The following CNTN4 variants were observed in gnomAD, a reference collection of about 807,000 sequenced individuals.
CNTN4 encodes contactin 4.
A neutral mutation model predicts 122.5 loss-of-function variants in CNTN4; 77 were observed. The ratio of observed to expected loss-of-function variants is 0.63; its 90% CI spans 0.52 to 0.76. The LOEUF is 0.76. CNTN4 is among the 30% of genes least tolerant of loss of function. CNTN4 has a pLI of 0.00. For synonymous variants in CNTN4, 512 were observed against 447.0 expected (o/e 1.15, Z -1.83); for missense variants, 1,256 against 1,259.1 (o/e 1.00, Z 0.04).
chr3:2,504,720 C>T (rs569569974), intron 3 of CNTN4, among the ~76,000 whole-genome samples: 1 of 152,186 alleles, frequency 6.6e-6, no homozygotes, highest in Non-Finnish European at 1.5e-5. Flanking sequence ...TGTGATCAAA[C>T]AACAACAGGA....
chr3:2,946,780 T>A (rs1577363413), intron 13 of CNTN4, among the ~76,000 whole-genome samples: 1 of 147,430 alleles, frequency 6.8e-6, no homozygotes, highest in South Asian at 2.2e-4. Flanking sequence ...CATGGCTCAC[T>A]GCAATAATCC....
intron 2 of CNTN4, among the ~76,000 whole-genome samples, chr3:2,142,346 T>C (rs985871759): frequency 6.6e-6 from 1 of 152,122 alleles, no homozygotes; most frequent in African/African-American, 2.4e-5. Context: ...CTTTTTGATA[T>C]TCTTTCTTTC....
chr3:2,650,076 A>AATAAAT (rs1553602532), intron 4 of CNTN4, among the ~76,000 whole-genome samples: 2 of 145,570 alleles, frequency 1.4e-5, no homozygotes, highest in Non-Finnish European at 3.0e-5. Context: ...TATTTTTATA[A>AATAAAT]ATATATATAT....
At chr3:2,397,179 A>G (rs921196372) in intron 3 of CNTN4, among the ~76,000 whole-genome samples, 1 of 152,204 alleles carries the variant, frequency 6.6e-6, no homozygotes, top group African/African-American at 2.4e-5. Context: ...ATAATGCACC[A>G]TGGATTGAAG....
chr3:2,934,092 A>G (rs1471521230), intron 13 of CNTN4, among the ~76,000 whole-genome samples: 1 of 152,210 alleles, frequency 6.6e-6, no homozygotes, highest in Non-Finnish European at 1.5e-5. Context: ...ATAATGGTGC[A>G]AGCATGACTG....
At chr3:3,050,239 A>G (rs535688018) in intron 23 of CNTN4, among the ~76,000 whole-genome samples, 1 of 152,282 alleles carries the variant, frequency 6.6e-6, no homozygotes, top group South Asian at 2.1e-4. Flanking sequence ...AGTAGAACCC[A>G]CAAATTTTTA....
chr3:2,144,900 T>G (rs986505360), intron 2 of CNTN4, among the ~76,000 whole-genome samples: 3 of 152,172 alleles, frequency 2.0e-5, no homozygotes, highest in Non-Finnish European at 4.4e-5. Flanking sequence ...TGTACTTACA[T>G]AAACAGGAAT....
chr3:2,368,025 ACTT>A (rs374920652), intron 3 of CNTN4, among the ~76,000 whole-genome samples: 8 of 133,650 alleles, frequency 6.0e-5, no homozygotes, highest in African/African-American at 1.2e-4. Flanking sequence ...CAGCTAGAAA[ACTT>A]CTTTTTTTTT....
At chr3:2,906,798 C>T (rs1274053068) in intron 12 of CNTN4, among the ~76,000 whole-genome samples, 5 of 148,002 alleles carry the variant, frequency 3.4e-5, no homozygotes, top group African/African-American at 1.0e-4. Flanking sequence ...GAGCCAAGAT[C>T]GTGTCATTGC....
At chr3:2,246,538 C>T (rs549756811) in intron 2 of CNTN4, among the ~76,000 whole-genome samples, 7 of 151,860 alleles carry the variant, frequency 4.6e-5, no homozygotes, top group East Asian at 1.9e-4. Context: ...ATCTTTAACT[C>T]GGGAATTAGT....
At chr3:2,840,275 A>G (rs1414140779) in intron 7 of CNTN4, among the ~76,000 whole-genome samples, 1 of 152,146 alleles carries the variant, frequency 6.6e-6, no homozygotes, top group South Asian at 2.1e-4. Context: ...AAAGTTCTCC[A>G]TAGAGAGAGA....
intron 2 of CNTN4, among the ~76,000 whole-genome samples, chr3:2,306,805 G>A (rs1038481855): frequency 5.9e-5 from 9 of 151,854 alleles, no homozygotes; most frequent in African/African-American, 1.2e-4. Flanking sequence ...CAATGATGTT[G>A]TCTAGTTTTC....
chr3:2,117,474 A>C (rs2033434964), intron 2 of CNTN4, among the ~76,000 whole-genome samples: 1 of 152,156 alleles, frequency 6.6e-6, no homozygotes, highest in African/African-American at 2.4e-5. Context: ...GATTGATCAA[A>C]GTATTGGCCA....
chr3:2,435,452 A>G (rs1034865053), intron 3 of CNTN4, among the ~76,000 whole-genome samples: 1 of 152,146 alleles, frequency 6.6e-6, no homozygotes, highest in Non-Finnish European at 1.5e-5. Flanking sequence ...GTACATGTTC[A>G]GTACAGACAC....
intron 4 of CNTN4, among the ~76,000 whole-genome samples, chr3:2,619,003 C>T (rs1004785968): frequency 3.3e-5 from 5 of 152,142 alleles, no homozygotes; most frequent in Non-Finnish European, 7.3e-5. Flanking sequence ...GGATATGTTC[C>T]TTGACCTTAT....
intron 6 of CNTN4, among the ~76,000 whole-genome samples, chr3:2,782,812 G>A (rs115610933): frequency 0.014 from 2,199 of 152,242 alleles, 53 homozygotes; most frequent in African/African-American, 0.05. Flanking sequence ...GGAGCCCTGT[G>A]GTGAGGAAAA....
At chr3:2,606,133 A>C (rs1444924734) in intron 4 of CNTN4, among the ~76,000 whole-genome samples, 1 of 152,104 alleles carries the variant, frequency 6.6e-6, no homozygotes, top group East Asian at 1.9e-4. Context: ...TTAAATATCG[A>C]ATGGGGGGAC....
At chr3:2,969,979 C>T (rs979645741) in intron 13 of CNTN4, among the ~76,000 whole-genome samples, 1 of 152,116 alleles carries the variant, frequency 6.6e-6, no homozygotes, top group African/African-American at 2.4e-5. Context: ...GACCCTTGAA[C>T]AACTAAGGGG....
chr3:2,850,973 G>C (rs2093539959), intron 7 of CNTN4, among the ~76,000 whole-genome samples: 1 of 152,144 alleles, frequency 6.6e-6, no homozygotes, highest in Admixed American at 6.6e-5. Context: ...GCCTGAGAGA[G>C]GAAGATAAGC....
Sources: gnomAD v4.1 joint callset for allele counts (sites outside exome capture counted in the v4.1 genomes callset) on GRCh38, gnomAD v4.1.1 for gene constraint, MANE v1.5 for transcripts, NCBI Gene and HGNC (gene_info 2026-07-23, HGNC 2026-07-21) for gene names.